Variants in ZNF326 observed in about 807,000 individuals in gnomAD.
The protein encoded by ZNF326 is DBIRD complex subunit ZNF326.
A neutral mutation model predicts 63.1 loss-of-function variants in ZNF326; 30 were observed. The observed-to-expected ratio is 0.48, with a 90% confidence interval of 0.36 to 0.64. The LOEUF (loss-of-function observed/expected upper bound fraction) is 0.64. ZNF326 is among the 30% of genes least tolerant of loss of function. The pLI is 0.00. For missense variants in ZNF326, 609 were observed against 720.3 expected, an observed-to-expected ratio of 0.85 and a Z score of 1.77; for synonymous variants, 194 against 228.2, an observed-to-expected ratio of 0.85 and a Z score of 1.35.
At position 90,007,257 on chromosome 1, in the gene ZNF326, A is replaced by G. The variant is rs1228296008; in HGVS notation, c.210-88A>G. 7.4e-7 allele frequency: 1 copy of G among 1,345,942 alleles called. No individual in the cohort carries two copies. The highest frequency in any genetic ancestry group is 1.0e-6 in the Non-Finnish European group (1 of 986,376). The allele number at this position is 1,345,942 out of a possible 1,614,324, so 83.4% of individuals were successfully genotyped here. On this transcript the variant is annotated intron_variant, in intron 4 of 11. Transcript: ENST00000340281. The surrounding 1 kb of genome is among the most constrained non-coding windows in gnomAD (Gnocchi z 4.9). ...GTATGGTATAAATGAATTTTAGTTG[A>G]TAAATGTCATCTGATAATTTGTCTT...
chr1:90,001,245 A>T (rs1484794628), intron 2 of ZNF326, among the ~76,000 whole-genome samples: 1 of 152,216 alleles, frequency 6.6e-6, no homozygotes, highest in Non-Finnish European at 1.5e-5. Context: ...AACCACTGGT[A>T]TAGGTTCTTA....
chr1:90,008,388 C>T (rs982551321), intron 5 of ZNF326, among the ~76,000 whole-genome samples: 7 of 152,158 alleles, frequency 4.6e-5, no homozygotes, highest in Non-Finnish European at 8.8e-5. Flanking sequence ...TAGTTTTACT[C>T]TTGAGAAATA....
rs1390157797 is a variant in ZNF326, at chr1:90,031,417, T to C, written c.*3716T>C. The C allele has an allele frequency of 6.6e-6, 1 of 152,248 alleles. No individual in the cohort carries two copies. The highest frequency in any genetic ancestry group is 1.9e-4 in the East Asian group (1 of 5,206). The allele number at this position is 152,248 out of a possible 1,614,324, so 9.4% of individuals were successfully genotyped here. ...TATTATCAGATTATTTTAGATGTTA[T>C]TCAACATTTGATTTATTTACCAAAT... On this transcript the variant is annotated 3_prime_UTR_variant, in exon 12 of 12. Transcript: ENST00000340281.
At chr1:90,002,927 T>A (rs950078141) in intron 2 of ZNF326, among the ~76,000 whole-genome samples, 8 of 152,190 alleles carry the variant, frequency 5.3e-5, no homozygotes, top group African/African-American at 1.9e-4. Context: ...TGATCAGTTT[T>A]ATGGCACAAT....
chr1:90,024,090 C>T (rs968209232), intron 11 of ZNF326, among the ~76,000 whole-genome samples: 12 of 152,156 alleles, frequency 7.9e-5, no homozygotes, highest in Non-Finnish European at 1.0e-4. Flanking sequence ...TGCTGTGTTC[C>T]CTGTTGTCAT....
At chr1:90,004,771 AAT>A (rs1472117780) in intron 2 of ZNF326, among the ~76,000 whole-genome samples, 1 of 140,442 alleles carries the variant, frequency 7.1e-6, no homozygotes, top group African/African-American at 2.6e-5. Context: ...TTTAGTTGAA[AAT>A]ATGTTTTTCT....
rs936096894 is a variant in ZNF326, at chr1:90,033,491, G to C, written c.*5790G>C. On this transcript the variant is annotated 3_prime_UTR_variant, in exon 12 of 12. Transcript: ENST00000340281. ...ATATGTAATCCTCATCATATTATAT[G>C]TCATAATCTTCAAATATTTTAGAGG... The C allele has an allele frequency of 6.6e-6, 1 of 152,044 alleles. No individual in the cohort carries two copies. The highest frequency in any genetic ancestry group is 1.5e-5 in the Non-Finnish European group (1 of 67,998). The allele number at this position is 152,044 out of a possible 1,614,324, so 9.4% of individuals were successfully genotyped here. A position where few individuals can be genotyped will look rare whatever the true frequency, so the allele number is the denominator to read the frequency against.
Position 90,031,558 on chromosome 1 carries a change from C to G in ZNF326, c.*3857C>G, listed in dbSNP as rs1440762452. 1 of 138,634 alleles carries G rather than the reference C, an allele frequency of 7.2e-6. No homozygotes were observed. The highest frequency in any genetic ancestry group is 7.2e-5 in the Admixed American group (1 of 13,874). The allele number at this position is 138,634 out of a possible 1,614,324, so 8.6% of individuals were successfully genotyped here. A position where few individuals can be genotyped will look rare whatever the true frequency, so the allele number is the denominator to read the frequency against. On this transcript the variant is annotated 3_prime_UTR_variant, in exon 12 of 12. Coordinates refer to ENST00000340281, the MANE Select transcript of ZNF326 (RefSeq NM_182976.4). ...TTTAGTGGCATTAATTACAAGCAAC[C>G]TTTTTTTTTTTTTTTTGAGACATAG...
chr1:90,027,303 T>C, intron 11 of ZNF326, 51 bp from the exon 12 acceptor site: 2 of 1,553,984 alleles, frequency 1.3e-6, no homozygotes, highest in Non-Finnish European at 1.8e-6. Flanking sequence ...ACTTGCCAGA[T>C]CATGTAATAA....
chr1:90,014,868 T>C (rs1037177515), intron 7 of ZNF326, among the ~76,000 whole-genome samples: 9 of 152,296 alleles, frequency 5.9e-5, no homozygotes, highest in African/African-American at 1.9e-4. Context: ...CGTCTTGGAG[T>C]GTAAAAATCA....
At chr1:89,998,313 G>A (rs1372433086) in intron 2 of ZNF326, among the ~76,000 whole-genome samples, 159 bp downstream of exon 2, 1 of 151,894 alleles carries the variant, frequency 6.6e-6, no homozygotes, top group African/African-American at 2.4e-5. Context: ...TGGGGAATGT[G>A]CTATCAGAAA....
chr1:90,005,127 T>A lies in ZNF326; in HGVS notation c.98-6T>A. The stretch of plus-strand genomic sequence containing the variant: ...ATATAACTTTTTTCTTTTTAAACTC[T>A]TATAGGGATGGATCGTGACTATGGC... On this transcript the variant is annotated splice_region_variant and splice_polypyrimidine_tract_variant and intron_variant, in intron 3 of 11. Transcript: ENST00000340281. 6.2e-7 allele frequency: 1 copy of A among 1,614,064 alleles called. No homozygotes were observed. Among genetic ancestry groups the A allele is most frequent in the Non-Finnish European group, 8.5e-7 (1 of 1,179,996 alleles).
rs1463813441 is a variant in ZNF326, at chr1:89,995,262, A to G, written c.5A>G (p.Asp2Gly). 6.4e-7 allele frequency: 1 copy of G among 1,555,884 alleles called. No homozygotes were observed. The highest frequency in any genetic ancestry group is 1.2e-5 in the South Asian group (1 of 84,054). ...CGACGGCCCTCAGCCTCTGCCATGG[A>G]CTTCGAGGACGGTAAGCGCTGCCTC... is the stretch of plus-strand genomic sequence containing the variant. M[D>G]FEDDYTHSAC... is the part of the protein sequence containing the mutation. Residue 2 changes from aspartate (D) to glycine (G), a missense_variant, in exon 1 of 12, where the codon GAC (aspartate) becomes GGC (glycine). By Grantham distance (94) the Asp-to-Gly change is moderately conservative (BLOSUM62 -1). Around this residue, in one of 3 missense-constraint regions of ZNF326, gnomAD observed 97 missense variants for 88.7 expected, o/e 1.09. Transcript: ENST00000340281.
In ZNF326 at chr1:90,010,381, A is replaced by G. The variant is rs1649179411; in HGVS notation, c.814+95A>G. On this transcript the variant is annotated intron_variant, in intron 6 of 11. Transcript: ENST00000340281. ...AATTTTTTCATGTTTATATACAGAA[A>G]CTACATAACAATTATGATTGTAGAA... 5 of 1,260,274 alleles carry G rather than the reference A, an allele frequency of 4.0e-6. No individual in the cohort carries two copies. The Admixed American group carries it at 9.7e-5, about 24-fold the overall frequency. 78.1% of individuals were successfully genotyped at this position (1,260,274 alleles called of 1,614,324 possible). A position where few individuals can be genotyped will look rare whatever the true frequency, so the allele number is the denominator to read the frequency against.
At chr1:90,004,956 A>G (rs1208010231) in intron 2 of ZNF326, 47 bp from the exon 3 acceptor site, 1 of 1,546,528 alleles carries the variant, frequency 6.5e-7, no homozygotes, top group Admixed American at 1.7e-5. Context: ...AGATCCCTGA[A>G]GAGAATGGTG....
Position 90,027,816 on chromosome 1 carries a change from A to T in ZNF326, c.*115A>T. 1.1e-6 allele frequency: 1 copy of T among 922,514 alleles called. No homozygotes were observed. Among genetic ancestry groups the T allele is most frequent in the South Asian group, 1.9e-5 (1 of 52,164 alleles). 57.1% of individuals were successfully genotyped at this position (922,514 alleles called of 1,614,324 possible). ...CACCCATGTTGCATGCATTCCACAT[A>T]TTAAAATTTGTTTTATATAATTTCT... On this transcript the variant is annotated 3_prime_UTR_variant, in exon 12 of 12. Transcript: ENST00000340281.
Position 90,035,442 on chromosome 1 carries a change from T to C in ZNF326, c.*7741T>C, listed in dbSNP as rs557170852. ...ATTTGCAGCAAAACTTGGAACTGTA[T>C]ACTGTCTAAGAATAAACAATGGGAA... On this transcript the variant is annotated 3_prime_UTR_variant, in exon 12 of 12. Transcript: ENST00000340281. The C allele has an allele frequency of 1.3e-5, 2 of 152,350 alleles. No individual in the cohort carries two copies. Among genetic ancestry groups the C allele is most frequent in the South Asian group, 4.1e-4 (2 of 4,828 alleles). 9.4% of individuals were successfully genotyped at this position (152,350 alleles called of 1,614,324 possible).
At chr1:90,011,557 A>G (rs1649235484) in intron 6 of ZNF326, among the ~76,000 whole-genome samples, 1 of 139,238 alleles carries the variant, frequency 7.2e-6, no homozygotes, top group African/African-American at 2.7e-5. Context: ...AGTTAAATGT[A>G]TTATAAGAAA....
chr1:90,022,433 A>C lies in ZNF326; in HGVS notation c.1401+88A>C, dbSNP rs1649817588. The C allele has an allele frequency of 3.2e-6, 3 of 929,876 alleles. No individual in the cohort carries two copies. In the East Asian group the frequency reaches 7.3e-5, roughly 23 times the overall value. 57.6% of individuals were successfully genotyped at this position (929,876 alleles called of 1,614,324 possible). On this transcript the variant is annotated intron_variant, in intron 11 of 11. Coordinates refer to ENST00000340281, the MANE Select transcript of ZNF326 (RefSeq NM_182976.4). The stretch of plus-strand genomic sequence containing the variant: ...CATAGTAACCTTTTGTGATACTTGA[A>C]TATAGTATAACATATTAAGAAGAAT...
Sources: gnomAD v4.1 joint callset for allele counts (sites outside exome capture counted in the v4.1 genomes callset) on GRCh38, gnomAD v4.1.1 for gene constraint, gnomAD v4.1.1 regional missense constraint, Gnocchi (gnomAD v3.1) non-coding constraint, MANE v1.5 for transcripts, NCBI Gene and HGNC (gene_info 2026-07-23, HGNC 2026-07-21) for gene names.